PTPRC: variants seen among roughly 807,000 people sequenced by gnomAD.
PTPRC encodes the protein protein tyrosine phosphatase receptor type C.
In PTPRC, 44 loss-of-function variants were observed where a neutral mutation model predicts 155.9. The observed-to-expected ratio is 0.28, with a 90% CI of 0.22 to 0.36. The LOEUF (loss-of-function observed/expected upper bound fraction) is 0.36. PTPRC is among the 10% of genes least tolerant of loss of function. The probability of loss-of-function intolerance (pLI) is 1.00; values close to 1 mark genes in which losing one functional copy is unlikely to be tolerated. For synonymous variants in PTPRC, 525 were observed against 533.1 expected (o/e 0.98, Z 0.21); for missense variants, 1,401 against 1,564.6 (o/e 0.90, Z 1.76).
At chr1:198,662,793 C>CT (rs1165107222) in intron 2 of PTPRC, among the ~76,000 whole-genome samples, 2 of 152,074 alleles carry the variant, frequency 1.3e-5, no homozygotes, top group African/African-American at 4.8e-5. Context: ...TGTTTCTGTT[C>CT]TTTTAACATG....
intron 15 of PTPRC, among the ~76,000 whole-genome samples, chr1:198,723,112 C>CATATATATATATAT (rs3033891): frequency 6.9e-6 from 1 of 144,094 alleles, no homozygotes; most frequent in African/African-American, 2.5e-5. Flanking sequence ...TAGTTTCCTT[C>CATATATATATATAT]ATATATATAT....
At chr1:198,678,977 G>T (rs1308893126) in intron 2 of PTPRC, among the ~76,000 whole-genome samples, 2 of 152,124 alleles carry the variant, frequency 1.3e-5, no homozygotes, top group African/African-American at 4.8e-5. Context: ...AATTATAAAG[G>T]CCAGGCAGCA....
intron 15 of PTPRC, among the ~76,000 whole-genome samples, chr1:198,727,153 G>A (rs1654176815): frequency 6.6e-6 from 1 of 151,996 alleles, no homozygotes; most frequent in African/African-American, 2.4e-5. Flanking sequence ...AAGCCACTGC[G>A]CCTGTCTGTT....
In PTPRC at chr1:198,734,472, C is replaced by T. The variant is rs553917642; in HGVS notation, c.2277+47C>T. The T allele has an allele frequency of 2.6e-6, 4 of 1,555,658 alleles. No homozygotes were observed. The African/African-American group carries it at 5.4e-5, about 21-fold the overall frequency. ...AGTGTGGGTCTTGGGGTTAGGAAAACAAGGTGTTGAATGGCATTTTGAAAA... is the reference window on the plus strand; with the variant it reads ...AGTGTGGGTCTTGGGGTTAGGAAAATAAGGTGTTGAATGGCATTTTGAAAA... On this transcript the variant is annotated intron_variant, in intron 22 of 32. Coordinates refer to ENST00000442510, the MANE Select transcript of PTPRC (RefSeq NM_002838.5).
chr1:198,736,553 A>C (rs1305287292), intron 23 of PTPRC, among the ~76,000 whole-genome samples: 1 of 151,630 alleles, frequency 6.6e-6, no homozygotes, highest in Non-Finnish European at 1.5e-5. Flanking sequence ...ACTTCATTGT[A>C]TATATGTACT....
At chr1:198,745,653 ATTGTTTTCTATGGCAGCATTGAGCTC>A (rs1655105423) in intron 26 of PTPRC, among the ~76,000 whole-genome samples, 2 of 151,786 alleles carry the variant, frequency 1.3e-5, no homozygotes, top group African/African-American at 4.8e-5. Flanking sequence ...AGTTGGTTGT[ATTGTTTTCTATGGCAGCATTGAGCTC>A]TTTGGGGGTA....
chr1:198,649,944 AG>A (rs1663153151), intron 2 of PTPRC, among the ~76,000 whole-genome samples: 3 of 151,902 alleles, frequency 2.0e-5, no homozygotes, highest in African/African-American at 4.8e-5. Flanking sequence ...ACCCAGATTT[AG>A]GGGTGAATGC....
At chr1:198,754,139 A>T in intron 31 of PTPRC, 130 bp from the exon 32 acceptor site, 1 of 1,129,830 alleles carries the variant, frequency 8.9e-7, no homozygotes, top group Non-Finnish European at 1.2e-6. Context: ...GGTTCTTGAA[A>T]GAGGTTGGAA....
chr1:198,664,164 C>T (rs1664143347), intron 2 of PTPRC, among the ~76,000 whole-genome samples: 1 of 152,040 alleles, frequency 6.6e-6, no homozygotes, highest in Non-Finnish European at 1.5e-5. Context: ...TAATTGAGGA[C>T]AGTGTGGGTT....
At chr1:198,738,564 G>A (rs574407929) in intron 23 of PTPRC, among the ~76,000 whole-genome samples, 1 of 151,794 alleles carries the variant, frequency 6.6e-6, no homozygotes, top group Non-Finnish European at 1.5e-5. Flanking sequence ...ATTTTGTTGA[G>A]GATTTTTGCA....
chr1:198,726,013 CAT>C (rs1412340843), intron 15 of PTPRC, among the ~76,000 whole-genome samples: 2 of 152,144 alleles, frequency 1.3e-5, no homozygotes, highest in African/African-American at 2.4e-5. Context: ...GGGGGAAACA[CAT>C]GTGTGCTTAG....
At chr1:198,691,653 A>G (rs1412037543) in intron 2 of PTPRC, among the ~76,000 whole-genome samples, 1 of 152,038 alleles carries the variant, frequency 6.6e-6, no homozygotes, top group African/African-American at 2.4e-5. Flanking sequence ...CATCCCTTTA[A>G]TGGATATCTA....
At chr1:198,646,717 A>G (rs1225723170) in intron 2 of PTPRC, among the ~76,000 whole-genome samples, 1 of 151,884 alleles carries the variant, frequency 6.6e-6, no homozygotes, top group East Asian at 1.9e-4. Context: ...AGACTGCTTG[A>G]TAGCCTGGAA....
intron 2 of PTPRC, among the ~76,000 whole-genome samples, chr1:198,644,080 C>T (rs1662796479): frequency 6.6e-6 from 1 of 151,854 alleles, no homozygotes; most frequent in Non-Finnish European, 1.5e-5. Flanking sequence ...GTGTATATGT[C>T]ACCTTGGTGC....
chr1:198,709,747 A>G lies in PTPRC; in HGVS notation c.1094A>G (p.Tyr365Cys). The G allele has an allele frequency of 6.2e-7, 1 of 1,611,430 alleles. No individual in the cohort carries two copies. The highest frequency in any genetic ancestry group is 8.5e-7 in the Non-Finnish European group (1 of 1,178,636). The change falls in exon 11 of 33, where the codon TAT becomes TGT. Residue 365 changes from tyrosine to cysteine, a missense_variant. This residue lies in a region of PTPRC where 867 missense variants were observed against 970.4 expected (regional missense o/e 0.89). Transcript: ENST00000442510. ...GAAAACCTTGAACCCGAACATGAGT[A>G]TAAGTGTGACTCAGAAATACTCTAT... ...KLENLEPEHEYKCDSEILYNN... is the reference protein window; with the variant it reads ...KLENLEPEHECKCDSEILYNN...
rs1666558871 is a variant in PTPRC at position 198,703,392 on chromosome 1, G to A, written c.658+20G>A. On this transcript the variant is annotated intron_variant, in intron 7 of 32. Transcript: ENST00000442510. ...CAATAGGTGATATTACCCTCAGTCAGGCAGCCACACCATCCCCATGTGCCT... is the reference window on the plus strand; with the variant it reads ...CAATAGGTGATATTACCCTCAGTCAAGCAGCCACACCATCCCCATGTGCCT... The A allele has an allele frequency of 1.2e-6, 2 of 1,610,860 alleles. No homozygotes were observed. The highest frequency in any genetic ancestry group is 2.7e-5 in the African/African-American group (2 of 74,900).
intron 7 of PTPRC, chr1:198,703,660 A>C (rs899632079): frequency 2.0e-6 from 1 of 500,968 alleles, no homozygotes; most frequent in Non-Finnish European, 3.6e-6. Context: ...TTAGTAAGGA[A>C]AAGAACAAGC....
chr1:198,685,334 T>C (rs1289026320), intron 2 of PTPRC, among the ~76,000 whole-genome samples: 1 of 151,914 alleles, frequency 6.6e-6, no homozygotes. Context: ...TAAAAAAGGA[T>C]AAATAATGCT....
At chr1:198,650,717 C>A (rs1663199499) in intron 2 of PTPRC, among the ~76,000 whole-genome samples, 1 of 151,664 alleles carries the variant, frequency 6.6e-6, no homozygotes, top group African/African-American at 2.4e-5. Context: ...GAGCTTAAAG[C>A]TAAGGGACTG....
Sources: allele counts gnomAD v4.1 joint callset (sites outside exome capture counted in the v4.1 genomes callset), GRCh38; gene constraint gnomAD v4.1.1; regional missense constraint gnomAD v4.1.1; transcripts MANE v1.5; gene names NCBI Gene and HGNC (gene_info 2026-07-23, HGNC 2026-07-21).